Variants in PTPRT observed in about 807,000 individuals in gnomAD.
The protein encoded by PTPRT is protein tyrosine phosphatase receptor type T, also known as receptor-type tyrosine-protein phosphatase T.
PTPRT carries 56 observed loss-of-function variants against 176.8 expected under a neutral mutation model. That is an observed-to-expected ratio of 0.32 (90% CI 0.26 to 0.40). The LOEUF (loss-of-function observed/expected upper bound fraction) is 0.40. PTPRT is among the 10% of genes least tolerant of loss of function. The probability of loss-of-function intolerance (pLI) is 1.00; values close to 1 mark genes in which losing one functional copy is unlikely to be tolerated. For synonymous variants in PTPRT, 783 were observed against 739.0 expected (o/e 1.06, Z -0.96); for missense variants, 1,540 against 1,908.2 (o/e 0.81, Z 3.60).
intron 6 of PTPRT, among the ~76,000 whole-genome samples, chr20:42,682,547 G>A (rs2075621232): frequency 6.6e-6 from 1 of 152,184 alleles, no homozygotes; most frequent in Non-Finnish European, 1.5e-5. Flanking sequence ...TCTGTGCAAA[G>A]CCAGGAGTAA....
At chr20:43,049,778 CA>C (rs1422912123) in intron 1 of PTPRT, among the ~76,000 whole-genome samples, 1 of 152,160 alleles carries the variant, frequency 6.6e-6, no homozygotes, top group Non-Finnish European at 1.5e-5. Context: ...TAGTTAACAG[CA>C]TGAGGCCTGT....
chr20:43,052,187 A>G (rs902767606), intron 1 of PTPRT, among the ~76,000 whole-genome samples: 6 of 152,258 alleles, frequency 3.9e-5, no homozygotes, highest in Non-Finnish European at 5.9e-5. Context: ...GGCATGAGGT[A>G]AAAGCGATTG....
intron 1 of PTPRT, among the ~76,000 whole-genome samples, chr20:42,999,446 G>A (rs1021785155): frequency 6.6e-6 from 1 of 151,518 alleles, no homozygotes; most frequent in Non-Finnish European, 1.5e-5. Context: ...AGTGGTGGGG[G>A]TGGGGAATAA....
At chr20:42,890,402 C>T (rs757346822) in intron 1 of PTPRT, among the ~76,000 whole-genome samples, 4 of 152,132 alleles carry the variant, frequency 2.6e-5, no homozygotes, top group Non-Finnish European at 5.9e-5. Context: ...GGCTCATATC[C>T]CTTCCCTGTT....
At chr20:43,045,255 T>C (rs1260088052) in intron 1 of PTPRT, among the ~76,000 whole-genome samples, 2 of 152,140 alleles carry the variant, frequency 1.3e-5, no homozygotes, top group Non-Finnish European at 2.9e-5. Context: ...CCATAATACC[T>C]CTTCTCCCTA....
intron 9 of PTPRT, among the ~76,000 whole-genome samples, chr20:42,371,641 G>A (rs2058588334): frequency 6.6e-6 from 1 of 152,196 alleles, no homozygotes; most frequent in Non-Finnish European, 1.5e-5. Context: ...ATAAGCTCCA[G>A]TTTCAGTGCC....
chr20:42,460,151 C>G (rs943505973), intron 8 of PTPRT, among the ~76,000 whole-genome samples: 6 of 152,130 alleles, frequency 3.9e-5, no homozygotes, highest in Non-Finnish European at 2.9e-5. Context: ...GGATAAATGA[C>G]TCCGGAGGGC....
At chr20:42,339,015 C>T (rs573689952) in intron 11 of PTPRT, among the ~76,000 whole-genome samples, 3 of 152,138 alleles carry the variant, frequency 2.0e-5, no homozygotes, top group Non-Finnish European at 4.4e-5. Flanking sequence ...CTGAGTGACG[C>T]GTGCATATTG....
At chr20:42,297,937 A>G (rs2057411590) in intron 12 of PTPRT, among the ~76,000 whole-genome samples, 1 of 152,178 alleles carries the variant, frequency 6.6e-6, no homozygotes, top group Non-Finnish European at 1.5e-5. Flanking sequence ...AAACATGGGT[A>G]AATTCCTTTA....
At chr20:42,420,162 T>C (rs187933415) in intron 9 of PTPRT, among the ~76,000 whole-genome samples, 4 of 152,312 alleles carry the variant, frequency 2.6e-5, no homozygotes, top group Admixed American at 2.6e-4. Flanking sequence ...ATCGGGTTGC[T>C]ATGTCTGTCT....
In PTPRT at chr20:42,293,668, CATCT is replaced by C. The variant is rs1319949108; in HGVS notation, c.2140-11147_2140-11144del. On this transcript the variant is annotated intron_variant, in intron 12 of 30. Coordinates refer to ENST00000373187, the MANE Select transcript of PTPRT (RefSeq NM_007050.6). The stretch of plus-strand genomic sequence containing the variant: ...TTCCTGAGATCCAGGCTCATCTATC[CATCT>C]GTCTACCTGAAATACTCACAATCAA... Among the ~76,000 whole-genome samples, 4 of 152,262 alleles carry C rather than the reference CATCT, an allele frequency of 2.6e-5. No individual in the cohort carries two copies. The East Asian group carries it at 7.7e-4, about 29-fold the overall frequency.
At chr20:42,751,588 T>C (rs2076770782) in intron 6 of PTPRT, among the ~76,000 whole-genome samples, 1 of 152,162 alleles carries the variant, frequency 6.6e-6, no homozygotes. Context: ...AACCACAATG[T>C]GGGTGGACAC....
intron 17 of PTPRT, among the ~76,000 whole-genome samples, chr20:42,142,887 C>T (rs1330600917): frequency 1.3e-5 from 2 of 152,068 alleles, no homozygotes; most frequent in Non-Finnish European, 2.9e-5. Context: ...TACTATAATT[C>T]CTTCATGATA....
chr20:42,136,866 G>T (rs1988403452), intron 18 of PTPRT, among the ~76,000 whole-genome samples: 1 of 152,212 alleles, frequency 6.6e-6, no homozygotes, highest in Admixed American at 6.5e-5. Flanking sequence ...CATTCAGCAA[G>T]TTGCCATTGT....
chr20:42,209,195 G>A (rs2055554219), intron 15 of PTPRT, among the ~76,000 whole-genome samples: 1 of 152,114 alleles, frequency 6.6e-6, no homozygotes, highest in Non-Finnish European at 1.5e-5. Context: ...GAGAAAGCAG[G>A]AAAGATCCAA....
At chr20:42,057,962 A>G in the PTPRT span, among the ~76,000 whole-genome samples, 1 of 152,240 alleles carries the variant, frequency 6.6e-6, no homozygotes, top group Non-Finnish European at 1.5e-5. Flanking sequence ...AGGGAAAGTC[A>G]TAGAAGAGAT....
At chr20:42,941,906 C>T (rs1980578612) in intron 1 of PTPRT, among the ~76,000 whole-genome samples, 1 of 152,076 alleles carries the variant, frequency 6.6e-6, no homozygotes, top group Non-Finnish European at 1.5e-5. Context: ...GCATTGCTTT[C>T]AGTGGCCCAG....
chr20:42,377,854 T>A (rs947601242), intron 9 of PTPRT, among the ~76,000 whole-genome samples: 63 of 152,330 alleles, frequency 4.1e-4, no homozygotes, highest in African/African-American at 1.3e-3. Flanking sequence ...GTAGCATTAG[T>A]GCTGTGATTC....
At chr20:42,253,714 C>CA (rs1052612154) in intron 13 of PTPRT, among the ~76,000 whole-genome samples, 8 of 152,088 alleles carry the variant, frequency 5.3e-5, no homozygotes, top group Non-Finnish European at 8.8e-5. Flanking sequence ...ATGTGATAAC[C>CA]AAAAATAATC....
Sources: gnomAD v4.1 joint callset for allele counts (sites outside exome capture counted in the v4.1 genomes callset) on GRCh38, gnomAD v4.1.1 for gene constraint, MANE v1.5 for transcripts, NCBI Gene and HGNC (gene_info 2026-07-23, HGNC 2026-07-21) for gene names.